The following ENO3 variants were observed in gnomAD, a reference collection of about 807,000 sequenced individuals.
ENO3 encodes the protein beta-enolase.
A neutral mutation model predicts 47.7 loss-of-function variants in ENO3; 46 were observed. The observed-to-expected ratio is 0.96, with a 90% CI of 0.76 to 1.23. The LOEUF is 1.23. Ranked by LOEUF, ENO3 falls within the 50% of genes most tolerant of loss-of-function variation. ENO3 has a pLI of 0.00. For missense variants in ENO3, 575 were observed against 566.2 expected, an observed-to-expected ratio of 1.02 and a Z score of -0.16; for synonymous variants, 223 against 225.9, an observed-to-expected ratio of 0.99 and a Z score of 0.11.
chr17:4,953,070 G>A lies in ENO3; in HGVS notation c.201G>A (p.Glu67=), dbSNP rs377545954. ...YLGKGVLKAV[E]NINNTLGPAL... is the part of the protein sequence containing the mutation. ...GTCTAGGAGTCCTGAAGGCTGTGGA[G>A]AACATCAACAATACTCTGGGCCCTG... The change falls in exon 4 of 12, where the codon GAG becomes GAA. Residue 67 remains glutamate, a synonymous_variant. Transcript: ENST00000519602. 2.2e-4 allele frequency: 358 copies of A among 1,614,112 alleles called. No homozygotes were observed. The highest frequency in any genetic ancestry group is 2.8e-4 in the Non-Finnish European group (328 of 1,180,046).
Position 4,956,610 on chromosome 17 carries a change from G to C in ENO3, c.1105G>C (p.Val369Leu). 6.2e-7 allele frequency: 1 copy of C among 1,614,190 alleles called. No individual in the cohort carries two copies. Among genetic ancestry groups the C allele is most frequent in the South Asian group, 1.1e-5 (1 of 91,076 alleles). ...TCAGTCTAATGGCTGGGGGGTGATGGTGAGCCACCGCTCTGGGGAGACTGA... is the reference window on the plus strand; with the variant it reads ...TCAGTCTAATGGCTGGGGGGTGATGCTGAGCCACCGCTCTGGGGAGACTGA... ...LAQSNGWGVM[V>L]SHRSGETEDT... is the part of the protein sequence containing the mutation. The change falls in exon 10 of 12, where the codon GTG becomes CTG. Residue 369 changes from valine to leucine, a missense_variant. Val to Leu is a conservative substitution (Grantham distance 32). Transcript: ENST00000519602.
chr17:4,953,410 G>T, intron 5 of ENO3, 69 bp downstream of exon 5: 2 of 1,599,048 alleles, frequency 1.3e-6, no homozygotes, highest in Non-Finnish European at 8.6e-7. Flanking sequence ...ATGGGGTGAG[G>T]CCTGATGGGT....
Position 4,957,018 on chromosome 17 carries a change from C to T in ENO3, c.1276C>T (p.Arg426Cys), listed in dbSNP as rs202150244. The T allele has an allele frequency of 7.4e-5, 120 of 1,614,180 alleles. 1 individual carries two copies. In the South Asian group the frequency reaches 1.1e-3, roughly 15 times the overall value. Residue 426 changes from arginine (R) to cysteine (C), a missense_variant, in exon 12 of 12, where the codon CGC (arginine) becomes TGC (cysteine). Coordinates refer to ENST00000519602, the MANE Select transcript of ENO3 (RefSeq NM_053013.4). ...ALGDKAIFAG[R>C]KFRNPKAK ...TGGGGACAAGGCAATCTTTGCTGGA[C>T]GCAAGTTCCGTAACCCGAAGGCCAA...
chr17:4,956,779 A>T, intron 10 of ENO3, 52 bp from the exon 11 acceptor site: 1 of 1,613,904 alleles, frequency 6.2e-7, no homozygotes, highest in South Asian at 1.1e-5. Flanking sequence ...GCCAGGTCCA[A>T]CCCCTCCTTT....
chr17:4,952,817 C>T lies in ENO3; in HGVS notation c.108C>T (p.Pro36=), dbSNP rs766217572. The T allele has an allele frequency of 5.0e-6, 8 of 1,611,492 alleles. No homozygotes were observed. The highest frequency in any genetic ancestry group is 1.7e-5 in the Admixed American group (1 of 59,762). Residue 36 remains proline, a synonymous_variant, in exon 3 of 12, where the codon CCC becomes CCT. Transcript: ENST00000519602. ...CAGGCCGATTCCGAGCAGCTGTGCC[C>T]AGTGGGGCTTCCACGGGTATCTATG... The part of the protein sequence containing the change: ...TAKGRFRAAV[P]SGASTGIYEA...
At chr17:4,956,247 T>G in intron 9 of ENO3, 104 bp downstream of exon 9, 1 of 1,375,162 alleles carries the variant, frequency 7.3e-7, no homozygotes, top group East Asian at 2.5e-5. Flanking sequence ...ACCTTTCCCC[T>G]GGCACCTGAC....
At chr17:4,954,995 C>A in intron 6 of ENO3, 80 bp from the exon 7 acceptor site, 1 of 1,368,916 alleles carries the variant, frequency 7.3e-7, no homozygotes, top group Non-Finnish European at 1.0e-6. Context: ...GCCAGGTTTC[C>A]ACCCCAACAC....
rs796703622 is a variant in ENO3, at chr17:4,955,796, C to T, written c.866-146C>T. On this transcript the variant is annotated intron_variant, in intron 8 of 11. Transcript: ENST00000519602. The stretch of plus-strand genomic sequence containing the variant: ...TCTGACCTCTAGCCGTGTCTCTGCC[C>T]TGTCTCTGCCTTGTCTCTGCCCTGT... The T allele has an allele frequency of 3.4e-6, 4 of 1,161,988 alleles. 1 individual carries two copies. The highest frequency in any genetic ancestry group is 1.2e-5 in the South Asian group (1 of 80,318). 72.0% of individuals were successfully genotyped at this position (1,161,988 alleles called of 1,614,324 possible). A position where few individuals can be genotyped will look rare whatever the true frequency, so the allele number is the denominator to read the frequency against.
chr17:4,951,043 G>A (rs1971525893), upstream of ENO3: 3 of 986,380 alleles, frequency 3.0e-6, no homozygotes, highest in Non-Finnish European at 3.6e-6. Flanking sequence ...GGGGGAGGAT[G>A]GAGAGAAAGA....
intron 2 of ENO3, among the ~76,000 whole-genome samples, chr17:4,952,550 C>T (rs879845651): frequency 2.6e-5 from 4 of 152,172 alleles, no homozygotes; most frequent in African/African-American, 4.8e-5. Flanking sequence ...GTCTCGATCT[C>T]CTGATCTCGT....
At chr17:4,950,428 C>A, upstream of ENO3, 1 of 362,308 alleles carries the variant, frequency 2.8e-6, no homozygotes, top group Non-Finnish European at 3.8e-6. Flanking sequence ...TGAGCGCCCA[C>A]AGTCGATGGG....
chr17:4,953,073 C>T lies in ENO3; in HGVS notation c.204C>T (p.Asn68=). The T allele has an allele frequency of 6.2e-7, 1 of 1,614,198 alleles. No homozygotes were observed. Among genetic ancestry groups the T allele is most frequent in the South Asian group, 1.1e-5 (1 of 91,090 alleles). The part of the protein sequence containing the change: ...LGKGVLKAVE[N]INNTLGPALL... The stretch of plus-strand genomic sequence containing the variant: ...TAGGAGTCCTGAAGGCTGTGGAGAA[C>T]ATCAACAATACTCTGGGCCCTGCTC... The change falls in exon 4 of 12, where the codon AAC becomes AAT. Residue 68 remains asparagine, a synonymous_variant. Coordinates refer to ENST00000519602, the MANE Select transcript of ENO3 (RefSeq NM_053013.4).
chr17:4,956,020 T>A lies in ENO3; in HGVS notation c.944T>A (p.Ile315Asn). ...TSFLSGVNIQ[I>N]VGDDLTVTNP... Reference sequence around the variant, plus strand: ...TTCCTCTCGGGGGTGAACATCCAGATTGTGGGGGATGACTTGACAGTCACC... The same window carrying A: ...TTCCTCTCGGGGGTGAACATCCAGAATGTGGGGGATGACTTGACAGTCACC... The change falls in exon 9 of 12, where the codon ATT becomes AAT. Residue 315 changes from isoleucine to asparagine, a missense_variant. Ile to Asn is a moderately radical substitution (Grantham distance 149, BLOSUM62 -3). Transcript: ENST00000519602. 6.2e-7 allele frequency: 1 copy of A among 1,613,974 alleles called. No homozygotes were observed. The highest frequency in any genetic ancestry group is 1.7e-5 in the Admixed American group (1 of 60,000).
Position 4,955,528 on chromosome 17 carries a change from G to T in ENO3, c.789G>T (p.Ser263=), listed in dbSNP as rs75748087. The T allele has an allele frequency of 3.1e-6, 5 of 1,614,192 alleles. No homozygotes were observed. The highest frequency in any genetic ancestry group is 1.1e-5 in the South Asian group (1 of 91,084). The stretch of plus-strand genomic sequence containing the variant: ...GGAAGTACGATCTTGACTTCAAGTC[G>T]CCTGATGATCCCGCACGGCACATCA... ...RNGKYDLDFK[S]PDDPARHITG... Residue 263 remains serine (S), a synonymous_variant, in exon 8 of 12, where the codon TCG becomes TCT. Coordinates refer to ENST00000519602, the MANE Select transcript of ENO3 (RefSeq NM_053013.4).
intron 5 of ENO3, 94 bp from the exon 6 acceptor site, chr17:4,953,618 T>C (rs966065138): frequency 8.7e-6 from 14 of 1,605,478 alleles, no homozygotes; most frequent in East Asian, 2.2e-5. Context: ...CAATTCTTCA[T>C]GCTCAGTGGT....
upstream of ENO3, chr17:4,950,983 G>T (rs533403894): frequency 1.0e-5 from 10 of 976,020 alleles, no homozygotes; most frequent in East Asian, 1.0e-3. Flanking sequence ...AGGGCCAGAG[G>T]CTTCTGCTTC....
At position 4,955,408 on chromosome 17, in the gene ENO3, C is replaced by T. The variant is rs766821122; in HGVS notation, c.669C>T (p.Ala223=). The change falls in exon 8 of 12, where the codon GCC becomes GCT. Residue 223 remains alanine (A), a splice_region_variant and synonymous_variant. Transcript: ENST00000519602. The part of the protein sequence containing the change: ...FAPNILENNE[A]LELLKTAIQA... ...GGTCCTTTCTTGGTCCTCCCCCAGC[C>T]CTGGAGCTGCTGAAGACGGCCATCC... 4 of 1,614,094 alleles carry T rather than the reference C, an allele frequency of 2.5e-6. No individual in the cohort carries two copies. The East Asian group carries it at 6.7e-5, about 27-fold the overall frequency.
intron 2 of ENO3, chr17:4,952,417 C>T (rs1971568120): frequency 2.9e-6 from 1 of 342,628 alleles, no homozygotes; most frequent in East Asian, 7.8e-5. Context: ...GATCTAGGCT[C>T]ACTGCAAGCT....
chr17:4,949,459 G>C (rs1182759653), upstream of ENO3, among the ~76,000 whole-genome samples: 1 of 152,244 alleles, frequency 6.6e-6, no homozygotes, highest in Admixed American at 6.5e-5. Flanking sequence ...CACAGAGCGC[G>C]GACACCCGCG....
Sources: allele counts gnomAD v4.1 joint callset (sites outside exome capture counted in the v4.1 genomes callset), GRCh38; gene constraint gnomAD v4.1.1; transcripts MANE v1.5; gene names NCBI Gene and HGNC (gene_info 2026-07-23, HGNC 2026-07-21).